DGKB: variants seen among roughly 807,000 people sequenced by gnomAD.
The protein encoded by DGKB is diacylglycerol kinase beta.
A neutral mutation model predicts 114.3 loss-of-function variants in DGKB; 67 were observed. That is an observed-to-expected ratio of 0.59 (90% CI 0.48 to 0.72). The LOEUF (loss-of-function observed/expected upper bound fraction) is 0.72. Among genes scored for constraint, DGKB ranks in the 30% least tolerant of loss-of-function variants. DGKB has a pLI of 0.00. For synonymous variants in DGKB, 398 were observed against 323.1 expected (o/e 1.23, Z -2.49); for missense variants, 907 against 975.2 (o/e 0.93, Z 0.93).
chr7:14,755,201 G>C (rs1486904006), intron 3 of DGKB, among the ~76,000 whole-genome samples: 2 of 151,794 alleles, frequency 1.3e-5, no homozygotes, highest in Non-Finnish European at 2.9e-5. Context: ...TTAAAAGATG[G>C]GAATTAAAAG....
chr7:14,216,282 T>C (rs1788945715), intron 23 of DGKB, among the ~76,000 whole-genome samples: 2 of 152,152 alleles, frequency 1.3e-5, no homozygotes, highest in Non-Finnish European at 2.9e-5. Flanking sequence ...CACTGGTAAA[T>C]ATCAGTAACT....
chr7:14,522,252 G>A (rs759105276), intron 20 of DGKB, among the ~76,000 whole-genome samples: 4 of 151,966 alleles, frequency 2.6e-5, no homozygotes, highest in Non-Finnish European at 5.9e-5. Flanking sequence ...CATCTTTGTC[G>A]CACATGCATA....
intron 1 of DGKB, among the ~76,000 whole-genome samples, chr7:14,852,780 A>G (rs1248495440): frequency 2.6e-5 from 4 of 152,134 alleles, no homozygotes; most frequent in South Asian, 2.1e-4. Context: ...ACAGAAACAG[A>G]TATTTCCTAG....
At chr7:14,811,035 A>G (rs1843371669) in intron 2 of DGKB, among the ~76,000 whole-genome samples, 1 of 152,152 alleles carries the variant, frequency 6.6e-6, no homozygotes, top group Non-Finnish European at 1.5e-5. Flanking sequence ...ATGAAGTTAC[A>G]GTTTCAGATG....
chr7:14,582,144 T>A lies in DGKB; in HGVS notation c.1519+908A>T, dbSNP rs562128494. On this transcript the variant is annotated intron_variant, in intron 18 of 25. Coordinates refer to ENST00000402815, the MANE Select transcript of DGKB (RefSeq NM_001350709.2). ...AAAACTTCTTTTGAATCAATTCGTTTTATGAAAGGGCCTGTTTTAAACAAA... is the reference window on the plus strand; with the variant it reads ...AAAACTTCTTTTGAATCAATTCGTTATATGAAAGGGCCTGTTTTAAACAAA... 5.3e-5 allele frequency among the ~76,000 whole-genome samples: 8 copies of A among 152,324 alleles called. No individual in the cohort carries two copies. In the East Asian group the frequency reaches 1.5e-3, roughly 29 times the overall value.
At chr7:14,279,175 G>C (rs1799489209) in intron 23 of DGKB, among the ~76,000 whole-genome samples, 1 of 152,162 alleles carries the variant, frequency 6.6e-6, no homozygotes, top group African/African-American at 2.4e-5. Context: ...TTTTCCGATG[G>C]GCTTAAAAAA....
chr7:14,737,677 C>T (rs1831938454), intron 4 of DGKB, among the ~76,000 whole-genome samples: 1 of 152,066 alleles, frequency 6.6e-6, no homozygotes. Flanking sequence ...CTTAATCTAA[C>T]TTTTTTATTT....
rs371555484 is a variant in DGKB at position 14,345,916 on chromosome 7, T to C, written c.1836-525A>G. Among the ~76,000 whole-genome samples the C allele has an allele frequency of 1.4e-3, 218 of 151,712 alleles. 7 individuals are homozygous for C. The South Asian group carries it at 0.041, about 29-fold the overall frequency. ...TCTTCTATGACTTGATATTTTTGGC[T>C]TTTTGTACCAGGTAATTAAATTTAT... On this transcript the variant is annotated intron_variant, in intron 21 of 25. Coordinates refer to ENST00000402815, the MANE Select transcript of DGKB (RefSeq NM_001350709.2).
intron 20 of DGKB, among the ~76,000 whole-genome samples, chr7:14,517,449 A>C (rs10265947): frequency 0.43 from 65,712 of 151,376 alleles, 15,083 homozygotes; most frequent in East Asian, 0.73. Flanking sequence ...GAAAAAAAAA[A>C]CCCAAAAATT....
intron 21 of DGKB, among the ~76,000 whole-genome samples, chr7:14,380,690 T>G (rs1310206510): frequency 6.6e-6 from 1 of 152,202 alleles, no homozygotes; most frequent in East Asian, 1.9e-4. Flanking sequence ...CATCACACAT[T>G]GATTAAATAT....
chr7:14,177,742 G>C (rs1028576707), intron 24 of DGKB, among the ~76,000 whole-genome samples: 3 of 151,998 alleles, frequency 2.0e-5, no homozygotes, highest in African/African-American at 7.2e-5. Flanking sequence ...TGGTGCTTCA[G>C]TAGACTAATA....
At chr7:14,893,600 C>T (rs1018327296) in intron 1 of DGKB, among the ~76,000 whole-genome samples, 6 of 151,218 alleles carry the variant, frequency 4.0e-5, no homozygotes, top group Non-Finnish European at 8.9e-5. Context: ...TAGTTCGTTG[C>T]CGTTATCTCT....
intron 13 of DGKB, among the ~76,000 whole-genome samples, chr7:14,672,041 T>C (rs1819050493): frequency 6.6e-6 from 1 of 151,994 alleles, no homozygotes; most frequent in African/African-American, 2.4e-5. Flanking sequence ...TTTTTAATAA[T>C]TTTGTGAAAT....
chr7:14,337,682 T>C (rs1318304370), intron 23 of DGKB, among the ~76,000 whole-genome samples: 1 of 152,164 alleles, frequency 6.6e-6, no homozygotes, highest in African/African-American at 2.4e-5. Context: ...CACTGAAATC[T>C]CTTCATATTT....
At chr7:14,425,774 T>G (rs1827419786) in intron 21 of DGKB, among the ~76,000 whole-genome samples, 1 of 152,168 alleles carries the variant, frequency 6.6e-6, no homozygotes, top group Non-Finnish European at 1.5e-5. Flanking sequence ...ATAATTAGAC[T>G]TGCATTAAAG....
intron 13 of DGKB, among the ~76,000 whole-genome samples, chr7:14,668,992 G>A (rs1319165214): frequency 6.6e-6 from 1 of 151,786 alleles, no homozygotes; most frequent in East Asian, 1.9e-4. Context: ...ATACTAAATG[G>A]ATGATTATTA....
rs185422473 is a variant in DGKB at position 14,811,800 on chromosome 7, A to G, written c.70+29394T>C. On this transcript the variant is annotated intron_variant, in intron 2 of 25. Coordinates refer to ENST00000402815, the MANE Select transcript of DGKB (RefSeq NM_001350709.2). ...GTAACATAAATATATATATGTATAT[A>G]TACACACACACACAACCATTTTTAA... 1.2e-3 allele frequency among the ~76,000 whole-genome samples: 184 copies of G among 151,578 alleles called. 1 individual carries two copies. Among genetic ancestry groups the G allele is most frequent in the Admixed American group, 5.2e-3 (79 of 15,182 alleles).
chr7:14,477,889 A>C (rs961614419), intron 21 of DGKB, among the ~76,000 whole-genome samples: 17 of 152,212 alleles, frequency 1.1e-4, no homozygotes, highest in African/African-American at 4.1e-4. Context: ...TCTTAAAACT[A>C]TTAATTTCAT....
chr7:14,804,234 T>G (rs1196436671), intron 2 of DGKB, among the ~76,000 whole-genome samples: 1 of 152,014 alleles, frequency 6.6e-6, no homozygotes, highest in African/African-American at 2.4e-5. Context: ...CAATTTTGGA[T>G]TATTTTTCCA....
Sources: allele counts gnomAD v4.1 joint callset (sites outside exome capture counted in the v4.1 genomes callset), GRCh38; gene constraint gnomAD v4.1.1; transcripts MANE v1.5; gene names NCBI Gene and HGNC (gene_info 2026-07-23, HGNC 2026-07-21).